STKLD1: variants seen among roughly 807,000 people sequenced by gnomAD.
The protein encoded by STKLD1 is serine/threonine kinase-like domain-containing protein STKLD1.
In STKLD1, 79 loss-of-function variants were observed where a neutral mutation model predicts 80.4. The ratio of observed to expected loss-of-function variants is 0.98; its 90% CI spans 0.82 to 1.19. The LOEUF (loss-of-function observed/expected upper bound fraction) is 1.19, where lower values mean the gene tolerates loss of function less well. Among genes scored for constraint, STKLD1 ranks in the 50% most tolerant of loss-of-function variants. The pLI is 0.00. For missense variants in STKLD1, 841 were observed against 856.0 expected (o/e 0.98, Z 0.22); for synonymous variants, 393 against 357.6 (o/e 1.10, Z -1.12).
At position 133,385,922 on chromosome 9, in the gene STKLD1, G is replaced by T. The variant is rs1170868391; in HGVS notation, c.294+231G>T. ...CCCCAAAAACCTCATCGTCAGGAGAGTTTTTTTTTTTTTTGGACAAAGTCT... is the reference window on the plus strand; with the variant it reads ...CCCCAAAAACCTCATCGTCAGGAGATTTTTTTTTTTTTTTGGACAAAGTCT... On this transcript the variant is annotated intron_variant, in intron 4 of 17. Coordinates refer to ENST00000371957, the MANE Select transcript of STKLD1 (RefSeq NM_153710.5). The surrounding 1 kb of genome is among the most constrained non-coding windows in gnomAD (Gnocchi z 4.9). Among the ~76,000 whole-genome samples, 1 of 143,482 alleles carries T rather than the reference G, an allele frequency of 7.0e-6. No homozygotes were observed. Among genetic ancestry groups the T allele is most frequent in the African/African-American group, 2.5e-5 (1 of 39,300 alleles). The allele number at this position is 143,482 out of a possible 152,430, so 94.1% of individuals were successfully genotyped here. A position where few individuals can be genotyped will look rare whatever the true frequency, so the allele number is the denominator to read the frequency against.
intron 11 of STKLD1, among the ~76,000 whole-genome samples, chr9:133,398,731 C>T (rs1554777083): frequency 6.6e-6 from 1 of 152,228 alleles, no homozygotes; most frequent in East Asian, 1.9e-4. Context: ...GTGAGCTACG[C>T]TTGCACCACC....
rs1838507150 is a variant in STKLD1 at position 133,394,491 on chromosome 9, C to T, written c.702+82C>T. On this transcript the variant is annotated intron_variant, in intron 8 of 17. Transcript: ENST00000371957. The surrounding 1 kb of genome is among the most constrained non-coding windows in gnomAD (Gnocchi z 4.9). ...GGGGAAAAGGCTTGGCCTCACCCTG[C>T]CTCCCCTCTGCATCCCTTCCCCTGG... The T allele has an allele frequency of 1.0e-6, 1 of 997,194 alleles. No homozygotes were observed. The highest frequency in any genetic ancestry group is 1.6e-6 in the Non-Finnish European group (1 of 626,584). The allele number at this position is 997,194 out of a possible 1,614,324, so 61.8% of individuals were successfully genotyped here.
rs371468526 is a variant in STKLD1 at position 133,403,692 on chromosome 9, C to A, written c.1475-8C>A. 2.9e-5 allele frequency: 46 copies of A among 1,611,632 alleles called. No homozygotes were observed. Among genetic ancestry groups the A allele is most frequent in the Non-Finnish European group, 3.6e-5 (43 of 1,178,504 alleles). On this transcript the variant is annotated splice_region_variant and splice_polypyrimidine_tract_variant and intron_variant, in intron 14 of 17. Transcript: ENST00000371957. ...GGGTGTCCCCTTCCATCCCTGTCCT[C>A]GTTCCAGGTATCATTGTGAACAAGG...
Position 133,390,374 on chromosome 9 carries a change from G to A in STKLD1, c.468-307G>A, listed in dbSNP as rs1474620512. ...AACGTGTAGCTGAGATATCTAAGGA[G>A]GTGAATGTGTCAATTAAGGGGCCTC... On this transcript the variant is annotated intron_variant, in intron 6 of 17. Transcript: ENST00000371957. This position sits in a 1 kb window ranked among gnomAD's most constrained non-coding sequence, Gnocchi z 5.1. 6.6e-6 allele frequency among the ~76,000 whole-genome samples: 1 copy of A among 152,194 alleles called. No individual in the cohort carries two copies. Among genetic ancestry groups the A allele is most frequent in the South Asian group, 2.1e-4 (1 of 4,836 alleles).
chr9:133,395,124 C>G (rs1838526335), intron 8 of STKLD1, among the ~76,000 whole-genome samples: 2 of 152,224 alleles, frequency 1.3e-5, no homozygotes, highest in African/African-American at 4.8e-5. Context: ...AGACACCTGG[C>G]TGGACCCAGG....
In STKLD1 at chr9:133,385,592, C is replaced by A; in HGVS notation, c.220-25C>A. The stretch of plus-strand genomic sequence containing the variant: ...AGGCGTGGAGAGGCACTGACTTCTC[C>A]GTTTCCTCTGCTCTATCCTGGCAGC... On this transcript the variant is annotated intron_variant, in intron 3 of 17. Coordinates refer to ENST00000371957, the MANE Select transcript of STKLD1 (RefSeq NM_153710.5). This position sits in a 1 kb window ranked among gnomAD's most constrained non-coding sequence, Gnocchi z 4.9. 1 of 1,610,966 alleles carries A rather than the reference C, an allele frequency of 6.2e-7. No homozygotes were observed. The highest frequency in any genetic ancestry group is 8.5e-7 in the Non-Finnish European group (1 of 1,178,146).
Position 133,390,576 on chromosome 9 carries a change from A to AC in STKLD1, c.468-105_468-104insC. 1.3e-6 allele frequency: 1 copy of AC among 772,252 alleles called. No homozygotes were observed. The allele number at this position is 772,252 out of a possible 1,614,324, so 47.8% of individuals were successfully genotyped here. On this transcript the variant is annotated intron_variant, in intron 6 of 17. Coordinates refer to ENST00000371957, the MANE Select transcript of STKLD1 (RefSeq NM_153710.5). This position sits in a 1 kb window ranked among gnomAD's most constrained non-coding sequence, Gnocchi z 5.1. ...TGCAGAACCAGGTGGGGCAGGGAGC[A>AC]GAGAGTCAGGCTCAGCACACACACT... is the stretch of plus-strand genomic sequence containing the variant.
chr9:133,376,565 C>A lies in STKLD1; in HGVS notation c.87+5C>A, dbSNP rs2130249494. The A allele has an allele frequency of 1.3e-6, 2 of 1,589,484 alleles. No homozygotes were observed. Among genetic ancestry groups the A allele is most frequent in the East Asian group, 2.3e-5 (1 of 42,954 alleles). ...GAGCCCATGGAGAAGTACCAGGTGC[C>A]GAGTGTTCCCTGCGGGGAGGCGGGA... On this transcript the variant is annotated splice_donor_5th_base_variant and intron_variant, in intron 1 of 17. Transcript: ENST00000371957.
rs2130247946 is a variant in STKLD1, at chr9:133,376,454, G to A, written c.-20G>A. 21 of 1,563,860 alleles carry A rather than the reference G, an allele frequency of 1.3e-5. No homozygotes were observed. The highest frequency in any genetic ancestry group is 7.8e-5 in the Admixed American group (4 of 51,244). Reference sequence around the variant, plus strand: ...TGGGGCCAGGGGTGGACGCTCGCCCGTACGCGGTCGCTACTGATCATGCTT... The same window carrying A: ...TGGGGCCAGGGGTGGACGCTCGCCCATACGCGGTCGCTACTGATCATGCTT... On this transcript the variant is annotated 5_prime_UTR_variant, in exon 1 of 18. Coordinates refer to ENST00000371957, the MANE Select transcript of STKLD1 (RefSeq NM_153710.5).
chr9:133,394,021 C>A lies in STKLD1; in HGVS notation c.584-270C>A. The A allele has an allele frequency of 2.2e-6, 1 of 460,620 alleles. No homozygotes were observed. Among genetic ancestry groups the A allele is most frequent in the Non-Finnish European group, 3.9e-6 (1 of 254,020 alleles). 28.5% of individuals were successfully genotyped at this position (460,620 alleles called of 1,614,324 possible). A position where few individuals can be genotyped will look rare whatever the true frequency, so the allele number is the denominator to read the frequency against. On this transcript the variant is annotated intron_variant, in intron 7 of 17. Coordinates refer to ENST00000371957, the MANE Select transcript of STKLD1 (RefSeq NM_153710.5). The surrounding 1 kb of genome is among the most constrained non-coding windows in gnomAD (Gnocchi z 4.9). Reference sequence around the variant, plus strand: ...CAGCCATCCAGGGCACACAGACACACCACCTATATGGGCCAGCCTGGTGGG... The same window carrying A: ...CAGCCATCCAGGGCACACAGACACAACACCTATATGGGCCAGCCTGGTGGG...
At chr9:133,398,918 T>C (rs1437001809) in intron 11 of STKLD1, among the ~76,000 whole-genome samples, 1 of 152,174 alleles carries the variant, frequency 6.6e-6, no homozygotes, top group East Asian at 1.9e-4. Flanking sequence ...AGTGGTGCGA[T>C]CTTGGCTCAC....
rs111506972 is a variant in STKLD1, at chr9:133,391,874, C to T, written c.583+1078C>T. On this transcript the variant is annotated intron_variant, in intron 7 of 17. Transcript: ENST00000371957. ...AAAAAAAGAAAGAAAATGCCCAGGA[C>T]GGAGGGTCTGTGGGTGCCAGGCACT... 1.8e-4 allele frequency among the ~76,000 whole-genome samples: 27 copies of T among 151,170 alleles called. 1 individual carries two copies. Among genetic ancestry groups the T allele is most frequent in the Middle Eastern group, 3.4e-3 (1 of 292 alleles).
Position 133,389,470 on chromosome 9 carries a change from C to G in STKLD1, c.397-56C>G. The stretch of plus-strand genomic sequence containing the variant: ...TGCTGGCTGCTCTGAGTGTCACCCC[C>G]CTGAAAGCAGCACAGGGTGCCCCTC... On this transcript the variant is annotated intron_variant, in intron 5 of 17. Transcript: ENST00000371957. The surrounding 1 kb of genome is among the most constrained non-coding windows in gnomAD (Gnocchi z 6.4). The G allele has an allele frequency of 1.9e-6, 3 of 1,597,032 alleles. No homozygotes were observed. The highest frequency in any genetic ancestry group is 2.6e-6 in the Non-Finnish European group (3 of 1,172,298).
chr9:133,402,288 C>A (rs1007857695), intron 13 of STKLD1, among the ~76,000 whole-genome samples: 1 of 152,168 alleles, frequency 6.6e-6, no homozygotes, highest in Non-Finnish European at 1.5e-5. Context: ...AGCGCTCACA[C>A]CTTCACCCAC....
In STKLD1 at chr9:133,398,026, G is replaced by A. The variant is rs1030428150; in HGVS notation, c.1052G>A (p.Arg351Lys). 19 of 1,613,702 alleles carry A rather than the reference G, an allele frequency of 1.2e-5. No individual in the cohort carries two copies. The highest frequency in any genetic ancestry group is 1.6e-5 in the Non-Finnish European group (19 of 1,179,924). The change falls in exon 11 of 18, where the codon AGG (arginine) becomes AAG (lysine). Residue 351 changes from arginine (R) to lysine (K), a missense_variant. Transcript: ENST00000371957. Reference protein sequence around the residue: ...WPEVQLRAMKRLLKMPADQLG... With the variant: ...WPEVQLRAMKKLLKMPADQLG... ...GAAGTCCAGCTCAGGGCCATGAAGA[G>A]GCTTCTGAAAATGCCTGCAGATCAG...
At chr9:133,404,651 G>A in intron 16 of STKLD1, 138 bp from the exon 17 acceptor site, 1 of 1,246,974 alleles carries the variant, frequency 8.0e-7, no homozygotes, top group East Asian at 2.4e-5. Context: ...CGCCCAAGCT[G>A]ATGGGGCCTC....
rs2130274317 is a variant in STKLD1 at position 133,385,366 on chromosome 9, T to G, written c.220-251T>G. Among the ~76,000 whole-genome samples, 8 of 152,170 alleles carry G rather than the reference T, an allele frequency of 5.3e-5. No individual in the cohort carries two copies. Among genetic ancestry groups the G allele is most frequent in the Non-Finnish European group, 1.0e-4 (7 of 67,990 alleles). ...CCCATGGTATCCCTGTGAGGCAGAT[T>G]CCACTAGGACCCCCATTTTCAGATG... On this transcript the variant is annotated intron_variant, in intron 3 of 17. Coordinates refer to ENST00000371957, the MANE Select transcript of STKLD1 (RefSeq NM_153710.5). The surrounding 1 kb of genome is among the most constrained non-coding windows in gnomAD (Gnocchi z 4.9).
chr9:133,383,311 G>GAT (rs1838188325), intron 2 of STKLD1, among the ~76,000 whole-genome samples: 24 of 384 alleles, frequency 0.062, 2 homozygotes, highest in Non-Finnish European at 0.081. Context: ...TGGTAATGGT[G>GAT]GTGGTGTGAT....
At chr9:133,377,595 A>G (rs1838019935) in intron 1 of STKLD1, among the ~76,000 whole-genome samples, 1 of 152,130 alleles carries the variant, frequency 6.6e-6, no homozygotes, top group Non-Finnish European at 1.5e-5. Flanking sequence ...CCCAGGAGGC[A>G]GAGGTTGTGG....
Sources: gnomAD v4.1 joint callset for allele counts (sites outside exome capture counted in the v4.1 genomes callset) on GRCh38, gnomAD v4.1.1 for gene constraint, Gnocchi (gnomAD v3.1) non-coding constraint, MANE v1.5 for transcripts, NCBI Gene and HGNC (gene_info 2026-07-23, HGNC 2026-07-21) for gene names.